SYNE2: variants seen among roughly 807,000 people sequenced by gnomAD.
The protein encoded by SYNE2 is spectrin repeat containing nuclear envelope protein 2.
SYNE2 carries 431 observed loss-of-function variants against 856.3 expected under a neutral mutation model. The observed-to-expected ratio is 0.50, with a 90% CI of 0.47 to 0.55. The LOEUF (loss-of-function observed/expected upper bound fraction) is 0.55, where lower values mean the gene tolerates loss of function less well. SYNE2 is among the 20% of genes least tolerant of loss of function. The probability of loss-of-function intolerance (pLI) is 0.00; values close to 1 mark genes in which losing one functional copy is unlikely to be tolerated. For missense variants in SYNE2, 8,129 were observed against 8,023.2 expected (o/e 1.01, Z -0.50); for synonymous variants, 2,923 against 2,872.3 (o/e 1.02, Z -0.56).
intron 98 of SYNE2, 57 bp from the exon 99 acceptor site, chr14:64,190,014 G>C: frequency 6.3e-7 from 1 of 1,593,712 alleles, no homozygotes; most frequent in South Asian, 1.1e-5. Context: ...TCTGTGGCTG[G>C]AGAAGAAATG....
chr14:63,858,262 C>CTTTTTTTTT (rs61091259), intron 1 of SYNE2, among the ~76,000 whole-genome samples: 26 of 52,936 alleles, frequency 4.9e-4, no homozygotes, highest in African/African-American at 7.7e-4. Context: ...CCACACCGGC[C>CTTTTTTTTT]TTTTTTTTTT....
Position 64,056,001 on chromosome 14 carries a change from G to A in SYNE2, c.9802G>A (p.Ala3268Thr). The A allele has an allele frequency of 1.2e-6, 2 of 1,614,044 alleles. No homozygotes were observed. The highest frequency in any genetic ancestry group is 3.3e-5 in the Admixed American group (2 of 60,020). The change falls in exon 49 of 116, where the codon GCA (alanine) becomes ACA (threonine). Residue 3268 changes from alanine to threonine, a missense_variant. Coordinates refer to ENST00000555002, the MANE Select transcript of SYNE2 (RefSeq NM_182914.3). ...LTRYKEAVTR[A>T]VESITSLEAI... ...ACGCTATAAAGAAGCAGTCACCAGG[G>A]CAGTGGAGAGCATCACTTCCCTCGA...
At chr14:63,914,031 T>G (rs1034269871) in intron 2 of SYNE2, among the ~76,000 whole-genome samples, 32 of 152,250 alleles carry the variant, frequency 2.1e-4, no homozygotes, top group African/African-American at 7.7e-4. Flanking sequence ...AATTATTTGC[T>G]TTACCAAAAT....
intron 30 of SYNE2, among the ~76,000 whole-genome samples, chr14:64,005,458 A>G (rs1226073138): frequency 2.6e-5 from 4 of 152,196 alleles, no homozygotes; most frequent in East Asian, 1.9e-4. Context: ...GGGGTCAAGA[A>G]TGCTTCCAAG....
intron 96 of SYNE2, among the ~76,000 whole-genome samples, chr14:64,184,093 A>G (rs953158658): frequency 3.3e-5 from 5 of 152,150 alleles, no homozygotes; most frequent in East Asian, 3.8e-4. Flanking sequence ...ACCTCATTCT[A>G]TATATTGTTT....
intron 8 of SYNE2, among the ~76,000 whole-genome samples, chr14:63,959,211 TTTGTAAGCTCA>T (rs2096277257): frequency 1.0e-5 from 1 of 96,972 alleles, no homozygotes; most frequent in African/African-American, 3.5e-5. Flanking sequence ...TTAGGTTATA[TTTGTAAGCTCA>T]CAGCCAATGT....
intron 2 of SYNE2, among the ~76,000 whole-genome samples, chr14:63,911,213 G>A (rs576925051): frequency 3.9e-5 from 6 of 151,994 alleles, no homozygotes; most frequent in South Asian, 4.2e-4. Flanking sequence ...TAGCTCCCCC[G>A]GCCCCTCCTC....
At position 64,219,243 on chromosome 14, in the gene SYNE2, G is replaced by A. The variant is rs781449787; in HGVS notation, c.19693G>A (p.Glu6565Lys). The A allele has an allele frequency of 6.2e-7, 1 of 1,613,718 alleles. No homozygotes were observed. The highest frequency in any genetic ancestry group is 1.1e-5 in the South Asian group (1 of 91,062). The change falls in exon 110 of 116, where the codon GAG becomes AAG. Residue 6565 changes from glutamate (E) to lysine (K), a missense_variant. By Grantham distance (56) the Glu-to-Lys change is moderately conservative. Transcript: ENST00000555002. ...CAGATGGGAGATGATTCAAGCACAG[G>A]AGCTTCACAATAAGCTCAAAATAAA... ...FDRWEMIQAQ[E>K]LHNKLKIKQN...
Position 63,819,001 on chromosome 14 carries a change from A to AT in SYNE2, c.-304-33490dup, listed in dbSNP as rs758648485. ...GCGTGAGCCACTGCACCTGGCCCAAATTTTTTTTTTCAATATTGTACTAGG... is the reference window on the plus strand; with the variant it reads ...GCGTGAGCCACTGCACCTGGCCCAAATTTTTTTTTTTCAATATTGTACTAGG... On this transcript the variant is annotated intron_variant, in intron 1 of 23. Coordinates refer to the SYNE2 transcript ENST00000674003. 6.8e-3 allele frequency among the ~76,000 whole-genome samples: 1,019 copies of AT among 149,176 alleles called. 6 individuals are homozygous for AT. The highest frequency in any genetic ancestry group is 0.01 in the Non-Finnish European group (704 of 67,212).
At chr14:63,919,757 T>G (rs2095574849) in intron 2 of SYNE2, among the ~76,000 whole-genome samples, 1 of 152,102 alleles carries the variant, frequency 6.6e-6, no homozygotes, top group Non-Finnish European at 1.5e-5. Flanking sequence ...AGCAGTCAAG[T>G]AAGGTCAGTA....
At chr14:64,015,971 A>G (rs1481492279) in intron 32 of SYNE2, among the ~76,000 whole-genome samples, 1 of 152,048 alleles carries the variant, frequency 6.6e-6, no homozygotes, top group Non-Finnish European at 1.5e-5. Context: ...TTTCCCAGTG[A>G]TTGGAGATTT....
At chr14:63,857,094 C>T (rs1264135270) in intron 1 of SYNE2, among the ~76,000 whole-genome samples, 1 of 152,146 alleles carries the variant, frequency 6.6e-6, no homozygotes, top group Non-Finnish European at 1.5e-5. Flanking sequence ...AAGTTTTTGA[C>T]TTATGTATAG....
chr14:64,166,286 C>T (rs2098378487), intron 90 of SYNE2, among the ~76,000 whole-genome samples: 1 of 152,126 alleles, frequency 6.6e-6, no homozygotes, highest in African/African-American at 2.4e-5. Context: ...TGACTAGTTG[C>T]TACAGAGACC....
intron 8 of SYNE2, among the ~76,000 whole-genome samples, chr14:63,959,804 A>G (rs954455539): frequency 8.6e-5 from 13 of 151,094 alleles, no homozygotes; most frequent in African/African-American, 1.7e-4. Flanking sequence ...ACTGTTTTAA[A>G]TACTTTTCTT....
chr14:64,051,472 TA>T, intron 47 of SYNE2, 84 bp from the exon 48 acceptor site: 3 of 1,279,236 alleles, frequency 2.3e-6, no homozygotes, highest in Non-Finnish European at 3.2e-6. Flanking sequence ...AGAGCAGAAT[TA>T]ATTTCTTCTA....
Position 63,976,717 on chromosome 14 carries a change from CTT to C in SYNE2, c.1285_1286del (p.Leu429IlefsTer7). 1 of 1,612,260 alleles carries C rather than the reference CTT, an allele frequency of 6.2e-7. No homozygotes were observed. The highest frequency in any genetic ancestry group is 8.5e-7 in the Non-Finnish European group (1 of 1,179,562). ...GTGACTCTGATACAAGAGAAAATGACTTTATTCAAGGTTGGAAAAGAAAAAAA... is the reference window on the plus strand; with the variant it reads ...GTGACTCTGATACAAGAGAAAATGACTATTCAAGGTTGGAAAAGAAAAAAA... On this transcript the variant is annotated frameshift_variant, in exon 12 of 116. Coordinates refer to ENST00000555002, the MANE Select transcript of SYNE2 (RefSeq NM_182914.3). LOFTEE classifies it high-confidence loss of function.
Position 64,220,175 on chromosome 14 carries a change from T to G in SYNE2, c.19861-262T>G, listed in dbSNP as rs116449584. Among the ~76,000 whole-genome samples, 885 of 152,342 alleles carry G rather than the reference T, an allele frequency of 5.8e-3. 8 individuals are homozygous for G. The highest frequency in any genetic ancestry group is 0.02 in the African/African-American group (848 of 41,574). On this transcript the variant is annotated intron_variant, in intron 110 of 115. Coordinates refer to ENST00000555002, the MANE Select transcript of SYNE2 (RefSeq NM_182914.3). ...AGTCGGTCCAGAAACATTAAGCCAGTTGCAGAGCGGGGCCTGTAGAGGTCA... is the reference window on the plus strand; with the variant it reads ...AGTCGGTCCAGAAACATTAAGCCAGGTGCAGAGCGGGGCCTGTAGAGGTCA...
chr14:63,941,807 A>G lies in SYNE2; in HGVS notation c.237+17A>G. 1.9e-6 allele frequency: 3 copies of G among 1,613,036 alleles called. No individual in the cohort carries two copies. Among genetic ancestry groups the G allele is most frequent in the Non-Finnish European group, 2.5e-6 (3 of 1,179,006 alleles). On this transcript the variant is annotated intron_variant, in intron 4 of 115. Coordinates refer to ENST00000555002, the MANE Select transcript of SYNE2 (RefSeq NM_182914.3). Reference sequence around the variant, plus strand: ...CAACAGTTGGTAAGATTTTTAAATGACACTGAGAAACTTTCTGTTGACTTA... The same window carrying G: ...CAACAGTTGGTAAGATTTTTAAATGGCACTGAGAAACTTTCTGTTGACTTA...
chr14:64,064,774 G>C (rs768678536), intron 50 of SYNE2, among the ~76,000 whole-genome samples: 2 of 150,832 alleles, frequency 1.3e-5, no homozygotes, highest in Admixed American at 6.6e-5. Flanking sequence ...GCTATGTCTT[G>C]AATTCCTAGC....
Sources: gnomAD v4.1 joint callset for allele counts (sites outside exome capture counted in the v4.1 genomes callset) on GRCh38, gnomAD v4.1.1 for gene constraint, MANE v1.5 for transcripts, NCBI Gene and HGNC (gene_info 2026-07-23, HGNC 2026-07-21) for gene names.